Variants in EYA4 observed in about 807,000 individuals in gnomAD.
EYA4 encodes protein phosphatase EYA4.
EYA4 carries 31 observed loss-of-function variants against 87.9 expected under a neutral mutation model. The ratio of observed to expected loss-of-function variants is 0.35; its 90% confidence interval spans 0.27 to 0.48. The LOEUF is 0.48. Among genes scored for constraint, EYA4 ranks in the 20% least tolerant of loss-of-function variants. The probability of loss-of-function intolerance (pLI) is 0.99; values close to 1 mark genes in which losing one functional copy is unlikely to be tolerated. For missense variants in EYA4, 678 were observed against 761.4 expected (o/e 0.89, Z 1.29); for synonymous variants, 263 against 270.6 (o/e 0.97, Z 0.28).
chr6:133,364,761 T>C (rs1170079986), intron 2 of EYA4, among the ~76,000 whole-genome samples: 1 of 152,190 alleles, frequency 6.6e-6, no homozygotes, highest in Admixed American at 6.5e-5. Flanking sequence ...AGTCTTTCCA[T>C]GCTCCCTACA....
intron 13 of EYA4, among the ~76,000 whole-genome samples, chr6:133,486,445 G>A (rs1335320537): frequency 1.3e-5 from 2 of 151,972 alleles, no homozygotes; most frequent in African/African-American, 2.4e-5. Context: ...CTGAAAAATG[G>A]TAAACTAGAG....
chr6:133,391,333 G>T (rs1022409999), intron 3 of EYA4, among the ~76,000 whole-genome samples: 2 of 150,622 alleles, frequency 1.3e-5, no homozygotes, highest in Admixed American at 6.7e-5. Flanking sequence ...AGGTTCAAGC[G>T]ATTCTCCTGC....
chr6:133,242,627 G>GC (rs1196715818), intron 1 of EYA4, among the ~76,000 whole-genome samples: 2 of 152,116 alleles, frequency 1.3e-5, no homozygotes, highest in African/African-American at 4.8e-5. Flanking sequence ...TTTATTCTGC[G>GC]CCGCACAGCA....
chr6:133,337,908 C>T (rs946736138), intron 2 of EYA4, among the ~76,000 whole-genome samples: 16 of 152,252 alleles, frequency 1.1e-4, no homozygotes, highest in Middle Eastern at 3.4e-3. Flanking sequence ...TGGAGAATTT[C>T]GCAGATTGGG....
intron 1 of EYA4, among the ~76,000 whole-genome samples, chr6:133,255,532 A>C (rs1394759402): frequency 6.6e-6 from 1 of 152,156 alleles, no homozygotes; most frequent in East Asian, 1.9e-4. Flanking sequence ...TAAAGTAAAA[A>C]GTGGATTTAC....
chr6:133,397,275 A>G (rs1230144736), intron 3 of EYA4, among the ~76,000 whole-genome samples: 1 of 152,208 alleles, frequency 6.6e-6, no homozygotes, highest in African/African-American at 2.4e-5. Context: ...CTGCTTAGAA[A>G]GAGTCAATAA....
chr6:133,511,728 T>G (rs1203088925), intron 14 of EYA4: 2 of 152,208 alleles, frequency 1.3e-5, no homozygotes, highest in African/African-American at 4.8e-5. Context: ...TCCCAGCACT[T>G]TGGGAGGCCG....
intron 13 of EYA4, among the ~76,000 whole-genome samples, chr6:133,501,852 A>G (rs978972583): frequency 1.3e-5 from 2 of 152,212 alleles, no homozygotes; most frequent in Non-Finnish European, 2.9e-5. Context: ...TGATGGCCCA[A>G]TGCAGGGCAG....
At chr6:133,331,803 G>A (rs912090303) in intron 2 of EYA4, among the ~76,000 whole-genome samples, 8 of 152,222 alleles carry the variant, frequency 5.3e-5, no homozygotes, top group African/African-American at 1.9e-4. Context: ...AATAGAAAAT[G>A]CTTTTTCAGA....
At chr6:133,482,422 T>A (rs1796294838) in intron 12 of EYA4, among the ~76,000 whole-genome samples, 1 of 152,226 alleles carries the variant, frequency 6.6e-6, no homozygotes, top group Non-Finnish European at 1.5e-5. Context: ...GACCTGCCTG[T>A]CACTGCCATG....
intron 2 of EYA4, among the ~76,000 whole-genome samples, chr6:133,307,577 G>C (rs552547516): frequency 3.3e-5 from 5 of 152,248 alleles, no homozygotes; most frequent in African/African-American, 1.2e-4. Flanking sequence ...GATTTGACTG[G>C]CTGTAAAGTT....
At chr6:133,483,352 C>CAAGA in intron 13 of EYA4, among the ~76,000 whole-genome samples, 1 of 152,130 alleles carries the variant, frequency 6.6e-6, no homozygotes, top group African/African-American at 2.4e-5. Context: ...TTTTCTACAT[C>CAAGA]AAGACCAAGC....
At chr6:133,462,875 A>C (rs760113174) in intron 9 of EYA4, 111 bp downstream of exon 9, 6 of 961,076 alleles carry the variant, frequency 6.2e-6, no homozygotes, top group Non-Finnish European at 9.9e-6. Context: ...GCTTTATCAC[A>C]GCTCACACAA....
intron 3 of EYA4, among the ~76,000 whole-genome samples, chr6:133,385,430 TGTGTGTGTGTGAGAGA>T (rs1786658786): frequency 1.4e-5 from 2 of 146,694 alleles, no homozygotes; most frequent in African/African-American, 5.1e-5. Context: ...TGTGTGTGTG[TGTGTGTGTGTGAGAGA>T]GAGAGAGAGA....
At chr6:133,391,238 T>TTTTTTA (rs1787264345) in intron 3 of EYA4, among the ~76,000 whole-genome samples, 1 of 150,646 alleles carries the variant, frequency 6.6e-6, no homozygotes, top group Non-Finnish European at 1.5e-5. Context: ...TTTTTTTTTT[T>TTTTTTA]GAGATGGAGT....
intron 2 of EYA4, among the ~76,000 whole-genome samples, chr6:133,279,828 AT>A (rs1205283500): frequency 1.3e-5 from 2 of 152,140 alleles, no homozygotes; most frequent in Non-Finnish European, 2.9e-5. Context: ...ATAGAATTGA[AT>A]TTGCCATTAA....
intron 3 of EYA4, among the ~76,000 whole-genome samples, chr6:133,444,698 G>C (rs1792636068): frequency 6.6e-6 from 1 of 152,208 alleles, no homozygotes; most frequent in African/African-American, 2.4e-5. Flanking sequence ...CTTGGGCACA[G>C]TGACCCCGTT....
At chr6:133,457,386 G>A (rs548363989) in intron 6 of EYA4, among the ~76,000 whole-genome samples, 30 of 152,198 alleles carry the variant, frequency 2.0e-4, no homozygotes, top group African/African-American at 7.2e-4. Flanking sequence ...ACATCAGAAA[G>A]AAGAACATTA....
chr6:133,441,173 T>C (rs999601170), intron 3 of EYA4, among the ~76,000 whole-genome samples: 1 of 152,142 alleles, frequency 6.6e-6, no homozygotes, highest in African/African-American at 2.4e-5. Context: ...CACTCCCACT[T>C]TTTTCCTCTG....
Sources: gnomAD v4.1 joint callset for allele counts (sites outside exome capture counted in the v4.1 genomes callset) on GRCh38, gnomAD v4.1.1 for gene constraint, MANE v1.5 for transcripts, NCBI Gene and HGNC (gene_info 2026-07-23, HGNC 2026-07-21) for gene names.